The following PAPPA variants were observed in gnomAD, a reference collection of about 807,000 sequenced individuals.
The protein encoded by PAPPA is pappalysin 1.
PAPPA carries 60 observed loss-of-function variants against 164.0 expected under a neutral mutation model. The observed-to-expected ratio is 0.37, with a 90% CI of 0.30 to 0.45. The LOEUF is 0.45. Among genes scored for constraint, PAPPA ranks in the 20% least tolerant of loss-of-function variants. PAPPA has a pLI of 1.00. For missense variants in PAPPA, 1,782 were observed against 2,087.3 expected (o/e 0.85, Z 2.85); for synonymous variants, 875 against 814.1 (o/e 1.07, Z -1.27).
At position 116,215,049 on chromosome 9, in the gene PAPPA, G is replaced by T. The variant is rs1844353764; in HGVS notation, c.1918+3117G>T. Among the ~76,000 whole-genome samples the T allele has an allele frequency of 2.0e-5, 3 of 152,176 alleles. No homozygotes were observed. The South Asian group carries it at 6.2e-4, about 32-fold the overall frequency. On this transcript the variant is annotated intron_variant, in intron 4 of 21. Transcript: ENST00000328252. ...AACTGCTTACAAGCCTAAAGATAAT[G>T]CATTGCTGAAGTGAACTGCAAGGTA...
At chr9:116,348,421 C>T (rs1588014948) in intron 15 of PAPPA, among the ~76,000 whole-genome samples, 1 of 152,034 alleles carries the variant, frequency 6.6e-6, no homozygotes, top group East Asian at 1.9e-4. Flanking sequence ...TACTTGCTTC[C>T]CTTTTCTCCT....
chr9:116,376,615 C>T (rs191264142), intron 19 of PAPPA, among the ~76,000 whole-genome samples: 74 of 152,154 alleles, frequency 4.9e-4, no homozygotes, highest in Admixed American at 2.9e-3. Flanking sequence ...AATGAATATA[C>T]TCAATATATT....
At chr9:116,355,553 G>A (rs1846342033) in intron 17 of PAPPA, among the ~76,000 whole-genome samples, 1 of 152,186 alleles carries the variant, frequency 6.6e-6, no homozygotes, top group African/African-American at 2.4e-5. Context: ...AACAAACAAA[G>A]GCTAGAGATT....
intron 9 of PAPPA, among the ~76,000 whole-genome samples, chr9:116,288,292 C>T (rs1230882476): frequency 6.6e-6 from 1 of 152,088 alleles, no homozygotes; most frequent in Non-Finnish European, 1.5e-5. Context: ...TCGCTTGAAC[C>T]CGAGAGGCAG....
At chr9:116,353,937 G>A (rs2118599888) in intron 17 of PAPPA, 144 bp downstream of exon 17, 1 of 546,668 alleles carries the variant, frequency 1.8e-6, no homozygotes, top group Non-Finnish European at 3.1e-6. Flanking sequence ...TTTTTGATTT[G>A]CTCAGAGATT....
chr9:116,302,965 A>G lies in PAPPA; in HGVS notation c.3147+15A>G, dbSNP rs1431336464. On this transcript the variant is annotated intron_variant, in intron 10 of 21. Transcript: ENST00000328252. ...CAGCATCCCAGGTAAGATCCTAACCATGTGTGGCATTTCCTGCAGACATTC... is the reference window on the plus strand; with the variant it reads ...CAGCATCCCAGGTAAGATCCTAACCGTGTGTGGCATTTCCTGCAGACATTC... 1.2e-6 allele frequency: 2 copies of G among 1,609,440 alleles called. No individual in the cohort carries two copies. The highest frequency in any genetic ancestry group is 2.7e-5 in the African/African-American group (2 of 74,966).
At position 116,187,899 on chromosome 9, in the gene PAPPA, G is replaced by A. The variant is rs144287935; in HGVS notation, c.1161G>A (p.Lys387=). 3.5e-5 allele frequency: 56 copies of A among 1,614,186 alleles called. No homozygotes were observed. In the African/African-American group the frequency reaches 6.9e-4, roughly 20 times the overall value. The stretch of plus-strand genomic sequence containing the variant: ...ACCATCAGCTGGCTGAGGCCTTCAA[G>A]CAATACAACATCTCCTGGGAGCTGG... ...FQHHQLAEAF[K]QYNISWELDV... The change falls in exon 2 of 22, where the codon AAG becomes AAA. Residue 387 remains lysine, a synonymous_variant. Transcript: ENST00000328252. The surrounding 1 kb of genome is among the most constrained non-coding windows in gnomAD (Gnocchi z 4.2).
chr9:116,396,390 A>G (rs939930090), intron 21 of PAPPA, 119 bp from the exon 22 acceptor site: 4 of 724,166 alleles, frequency 5.5e-6, no homozygotes, highest in Non-Finnish European at 1.0e-5. Context: ...AAGCAGAGCC[A>G]TAACTTGAAC....
At chr9:116,369,790 C>T (rs1486874562) in intron 19 of PAPPA, among the ~76,000 whole-genome samples, 1 of 147,960 alleles carries the variant, frequency 6.8e-6, no homozygotes, top group Non-Finnish European at 1.5e-5. Context: ...CCTGCCCCAT[C>T]CCCCAACCCA....
In PAPPA at chr9:116,401,111, C is replaced by T. The variant is rs1435312178; in HGVS notation, c.*4495C>T. 5.2e-5 allele frequency: 8 copies of T among 152,504 alleles called. No individual in the cohort carries two copies. The highest frequency in any genetic ancestry group is 7.4e-5 in the Non-Finnish European group (5 of 68,004). The allele number at this position is 152,504 out of a possible 1,614,324, so 9.4% of individuals were successfully genotyped here. ...TGTTTGATATTTCAAGGAATAAAGCCGGAGCTCCTGAATTGTAGTCCACCT... is the reference window on the plus strand; with the variant it reads ...TGTTTGATATTTCAAGGAATAAAGCTGGAGCTCCTGAATTGTAGTCCACCT... On this transcript the variant is annotated 3_prime_UTR_variant, in exon 22 of 22. Coordinates refer to ENST00000328252, the MANE Select transcript of PAPPA (RefSeq NM_002581.5).
intron 2 of PAPPA, among the ~76,000 whole-genome samples, chr9:116,201,114 C>G (rs1424900593): frequency 6.6e-6 from 1 of 152,060 alleles, no homozygotes; most frequent in Admixed American, 6.6e-5. Context: ...TGAAACTAAG[C>G]AGGAGGATCA....
At chr9:116,376,939 C>T (rs568078771) in intron 19 of PAPPA, among the ~76,000 whole-genome samples, 1 of 152,134 alleles carries the variant, frequency 6.6e-6, no homozygotes, top group Non-Finnish European at 1.5e-5. Flanking sequence ...AGCCCATGTG[C>T]TCTCAGACTG....
At chr9:116,193,672 C>A (rs1055417813) in intron 2 of PAPPA, among the ~76,000 whole-genome samples, 1 of 152,170 alleles carries the variant, frequency 6.6e-6, no homozygotes. Flanking sequence ...TATGTTCTTA[C>A]CCATCATCCA....
intron 21 of PAPPA, among the ~76,000 whole-genome samples, chr9:116,392,552 C>G (rs1000483419): frequency 6.6e-6 from 1 of 152,212 alleles, no homozygotes; most frequent in African/African-American, 2.4e-5. Context: ...CTTGAGCCTG[C>G]ATGAACAGGT....
chr9:116,244,381 A>G (rs912136085), intron 7 of PAPPA, among the ~76,000 whole-genome samples: 3 of 152,338 alleles, frequency 2.0e-5, no homozygotes, highest in Admixed American at 1.3e-4. Context: ...CGATAGTTCC[A>G]TTGATAAATT....
chr9:116,340,253 G>A (rs553760984), intron 13 of PAPPA, among the ~76,000 whole-genome samples: 1 of 152,056 alleles, frequency 6.6e-6, no homozygotes, highest in South Asian at 2.1e-4. Flanking sequence ...TTGTTTTTGT[G>A]TTTCAGAAAT....
chr9:116,265,594 T>G (rs1845057804), intron 7 of PAPPA, among the ~76,000 whole-genome samples: 1 of 152,186 alleles, frequency 6.6e-6, no homozygotes, highest in South Asian at 2.1e-4. Flanking sequence ...TAGGTTAAAT[T>G]AAAGAAAAAA....
intron 1 of PAPPA, among the ~76,000 whole-genome samples, chr9:116,182,285 C>T (rs1318461581): frequency 6.6e-6 from 1 of 152,202 alleles, no homozygotes; most frequent in Non-Finnish European, 1.5e-5. Context: ...TCCCCCTGCT[C>T]CCTTTCTTTC....
intron 7 of PAPPA, among the ~76,000 whole-genome samples, chr9:116,239,074 G>A (rs1844707084): frequency 1.3e-5 from 2 of 151,902 alleles, no homozygotes; most frequent in South Asian, 4.2e-4. Flanking sequence ...GATTCCCTTT[G>A]ACCTTTGTCT....
Sources: gnomAD v4.1 joint callset for allele counts (sites outside exome capture counted in the v4.1 genomes callset) on GRCh38, gnomAD v4.1.1 for gene constraint, Gnocchi (gnomAD v3.1) non-coding constraint, MANE v1.5 for transcripts, NCBI Gene and HGNC (gene_info 2026-07-23, HGNC 2026-07-21) for gene names.